The following STARD8 variants were observed in gnomAD, a reference collection of about 807,000 sequenced individuals.
STARD8 encodes the protein StAR related lipid transfer domain containing 8, also known as stAR-related lipid transfer protein 8.
Under a neutral mutation model 69.4 loss-of-function variants are expected in STARD8, and 25 were observed. The observed-to-expected ratio is 0.36, with a 90% CI of 0.26 to 0.50. STARD8 has a LOEUF of 0.50. STARD8 is among the 20% of genes least tolerant of loss of function. STARD8 has a pLI of 0.96. For synonymous variants in STARD8, 389 were observed against 374.6 expected, an observed-to-expected ratio of 1.04 and a Z score of -0.45; for missense variants, 921 against 932.5, an observed-to-expected ratio of 0.99 and a Z score of 0.16.
intron 2 of STARD8, among the ~76,000 whole-genome samples, chrX:68,705,356 G>A (rs190866224): frequency 2.9e-4 from 33 of 112,453 alleles, no homozygotes; most frequent in Admixed American, 5.6e-4. Context: ...CTGAGGTCTG[G>A]TTTAACCTCA....
chrX:68,661,945 CCTCTCT>C (rs748990661), intron 1 of STARD8, among the ~76,000 whole-genome samples: 26 of 72,340 alleles, frequency 3.6e-4, no homozygotes, highest in African/African-American at 7.2e-4. Flanking sequence ...CTCCCTCCTT[CCTCTCT>C]CTCTCTCTCT....
rs751497057 is a variant in STARD8 at position 68,717,765 on chromosome X, C to T, written c.851C>T (p.Ala284Val). 2.1e-5 allele frequency: 26 copies of T among 1,210,688 alleles called. No individual in the cohort carries two copies. The highest frequency in any genetic ancestry group is 2.7e-5 in the Non-Finnish European group (24 of 895,301). The change falls in exon 6 of 15, where the codon GCC becomes GTC. Residue 284 changes from alanine to valine, a missense_variant. Transcript: ENST00000374599. ...AAGGCCTGGGAGGCCTGGCCTGTGGCCTCGTTCCGGCATCCTCAGTGGACA... is the reference window on the plus strand; with the variant it reads ...AAGGCCTGGGAGGCCTGGCCTGTGGTCTCGTTCCGGCATCCTCAGTGGACA... ...TRKAWEAWPVASFRHPQWTHR... is the reference protein window; with the variant it reads ...TRKAWEAWPVVSFRHPQWTHR...
At chrX:68,652,069 G>A (rs1446614952) in intron 1 of STARD8, among the ~76,000 whole-genome samples, 1 of 107,218 alleles carries the variant, frequency 9.3e-6, no homozygotes. Context: ...TGTTGGCCAG[G>A]CTGGTCTCGA....
At chrX:68,655,642 G>A (rs184527423) in intron 1 of STARD8, among the ~76,000 whole-genome samples, 2 of 112,140 alleles carry the variant, frequency 1.8e-5, no homozygotes, top group Admixed American at 1.9e-4. Flanking sequence ...TGGCATAGAT[G>A]GAGCTCAAGA....
intron 1 of STARD8, among the ~76,000 whole-genome samples, chrX:68,664,570 C>A (rs779712711): frequency 8.9e-6 from 1 of 112,170 alleles, no homozygotes; most frequent in East Asian, 2.8e-4. Context: ...TTGCTGACAA[C>A]TTCTTGCCAT....
chrX:68,716,342 G>T (rs772093149), intron 4 of STARD8, 26 bp from the exon 5 acceptor site: 2 of 1,204,544 alleles, frequency 1.7e-6, no homozygotes, highest in Non-Finnish European at 2.2e-6. Flanking sequence ...GGGGACCCTT[G>T]GTTGGACACT....
intron 3 of STARD8, 150 bp from the exon 4 acceptor site, chrX:68,715,144 C>A (rs2080081651): frequency 2.1e-6 from 1 of 477,937 alleles, no homozygotes; most frequent in African/African-American, 2.4e-5. Flanking sequence ...CCTGGGCACC[C>A]TCCTTTATTC....
intron 1 of STARD8, among the ~76,000 whole-genome samples, chrX:68,661,970 C>CTCTCTTTCTT (rs1556020285): frequency 6.1e-4 from 34 of 56,001 alleles, no homozygotes; most frequent in South Asian, 1.4e-3. Flanking sequence ...CTCTCTCTCT[C>CTCTCTTTCTT]TCTTTCTTTC....
intron 10 of STARD8, 118 bp downstream of exon 10, chrX:68,721,864 C>G: frequency 7.3e-6 from 6 of 826,165 alleles, no homozygotes; most frequent in South Asian, 2.6e-5. Flanking sequence ...AAGGAGTGAG[C>G]CTGACTCCTC....
At chrX:68,672,834 G>A (rs934747594) in intron 2 of STARD8, among the ~76,000 whole-genome samples, 1 of 111,414 alleles carries the variant, frequency 9.0e-6, no homozygotes, top group African/African-American at 3.3e-5. Flanking sequence ...GGAAGAGTTA[G>A]TTTGGTTTGC....
intron 9 of STARD8, 100 bp from the exon 10 acceptor site, chrX:68,721,436 C>G (rs187922907): frequency 1.1e-6 from 1 of 933,696 alleles, no homozygotes; most frequent in East Asian, 3.2e-5. Context: ...CACCGCTCCC[C>G]TTGGGACTGC....
intron 2 of STARD8, among the ~76,000 whole-genome samples, chrX:68,699,858 G>T (rs972668206): frequency 8.9e-6 from 1 of 112,102 alleles, no homozygotes; most frequent in African/African-American, 3.2e-5. Context: ...ACACTGATTT[G>T]TTTATGGTTC....
intron 5 of STARD8, 96 bp from the exon 6 acceptor site, chrX:68,717,116 T>G: frequency 9.3e-7 from 1 of 1,075,384 alleles, no homozygotes; most frequent in Non-Finnish European, 1.2e-6. Context: ...GCCCTTCACC[T>G]CAGAGTCCCC....
chrX:68,722,480 C>T lies in STARD8; in HGVS notation c.2633C>T (p.Pro878Leu), dbSNP rs1427824791. The T allele has an allele frequency of 5.8e-6, 7 of 1,208,944 alleles. No homozygotes were observed. Among genetic ancestry groups the T allele is most frequent in the African/African-American group, 3.5e-5 (2 of 57,367 alleles). The change falls in exon 12 of 15, where the codon CCT (proline) becomes CTT (leucine). Residue 878 changes from proline (P) to leucine (L), a missense_variant. Coordinates refer to ENST00000374599, the MANE Select transcript of STARD8 (RefSeq NM_001142503.3). Reference sequence around the variant, plus strand: ...TCCTACAGCGCAGCTGAGCTCAGCCCTCCCGGCCCAGCCCTGGCTGAGCTG... The same window carrying T: ...TCCTACAGCGCAGCTGAGCTCAGCCTTCCCGGCCCAGCCCTGGCTGAGCTG... ...CSSYSAAELS[P>L]PGPALAELRQ...
At chrX:68,648,218 C>T (rs950704253) in intron 1 of STARD8, among the ~76,000 whole-genome samples, 1 of 111,876 alleles carries the variant, frequency 8.9e-6, no homozygotes, top group African/African-American at 3.3e-5. Flanking sequence ...CCTCTCTGAA[C>T]CTCAGTTTCC....
intron 2 of STARD8, among the ~76,000 whole-genome samples, chrX:68,706,312 C>CT (rs996088134): frequency 8.9e-5 from 10 of 112,191 alleles, no homozygotes; most frequent in African/African-American, 3.2e-4. Flanking sequence ...GTCCTGTCTC[C>CT]TTTCCTCCCT....
intron 2 of STARD8, among the ~76,000 whole-genome samples, chrX:68,695,310 C>T (rs1220661126): frequency 9.0e-6 from 1 of 110,851 alleles, no homozygotes; most frequent in African/African-American, 3.3e-5. Flanking sequence ...GGTAGTGAAA[C>T]TCTTTCACTC....
At chrX:68,682,894 G>C (rs1569359267) in intron 2 of STARD8, among the ~76,000 whole-genome samples, 1 of 112,179 alleles carries the variant, frequency 8.9e-6, no homozygotes, top group East Asian at 2.8e-4. Flanking sequence ...CCCTGTAGGT[G>C]ATGGGCAACC....
At position 68,718,310 on chromosome X, in the gene STARD8, G is replaced by A. The variant is rs1441071816; in HGVS notation, c.1396G>A (p.Ala466Thr). ...AQAEVQPAVLAPAQAPAEAEP... is the reference protein window; with the variant it reads ...AQAEVQPAVLTPAQAPAEAEP... ...GGCTGAAGTCCAGCCAGCAGTCCTG[G>A]CTCCGGCTCAGGCTCCAGCTGAGGC... The change falls in exon 6 of 15, where the codon GCT becomes ACT. Residue 466 changes from alanine (A) to threonine (T), a missense_variant. Coordinates refer to ENST00000374599, the MANE Select transcript of STARD8 (RefSeq NM_001142503.3). 1 of 1,209,052 alleles carries A rather than the reference G, an allele frequency of 8.3e-7. No individual in the cohort carries two copies. The highest frequency in any genetic ancestry group is 1.7e-5 in the African/African-American group (1 of 57,225).
Sources: allele counts gnomAD v4.1 joint callset (sites outside exome capture counted in the v4.1 genomes callset), GRCh38; gene constraint gnomAD v4.1.1; transcripts MANE v1.5; gene names NCBI Gene and HGNC (gene_info 2026-07-23, HGNC 2026-07-21).